The following LIPI variants were observed in gnomAD, a reference collection of about 807,000 sequenced individuals.
LIPI encodes the protein lipase I, also known as lipase member I.
LIPI carries 59 observed loss-of-function variants against 50.6 expected under a neutral mutation model. The ratio of observed to expected loss-of-function variants is 1.16; its 90% CI spans 0.94 to 1.45. The LOEUF (loss-of-function observed/expected upper bound fraction) is 1.45. Among genes scored for constraint, LIPI ranks in the 40% most tolerant of loss-of-function variants. The pLI is 0.00. For synonymous variants in LIPI, 203 were observed against 178.2 expected (o/e 1.14, Z -1.11); for missense variants, 586 against 536.3 (o/e 1.09, Z -0.92).
chr21:14,190,814 C>T (rs1466691190), intron 1 of LIPI, among the ~76,000 whole-genome samples: 1 of 152,170 alleles, frequency 6.6e-6, no homozygotes, highest in Non-Finnish European at 1.5e-5. Context: ...TCCACCTTCT[C>T]ACCACCTGGA....
intron 4 of LIPI, among the ~76,000 whole-genome samples, chr21:14,173,904 G>T (rs1282433923): frequency 6.6e-6 from 1 of 152,178 alleles, no homozygotes; most frequent in Non-Finnish European, 1.5e-5. Flanking sequence ...AATGGTGAGG[G>T]TATGCTAGCC....
chr21:14,149,840 G>C (rs188526721), intron 8 of LIPI, among the ~76,000 whole-genome samples: 2 of 152,328 alleles, frequency 1.3e-5, no homozygotes, highest in East Asian at 3.9e-4. Flanking sequence ...CTCCACCCCT[G>C]CGGCTTTGCA....
chr21:14,187,823 A>C (rs1350693137), intron 2 of LIPI, among the ~76,000 whole-genome samples: 1 of 152,182 alleles, frequency 6.6e-6, no homozygotes, highest in Non-Finnish European at 1.5e-5. Flanking sequence ...TATTCATATA[A>C]ATATTTTTGT....
At chr21:14,203,485 C>T (rs1297378200) in intron 1 of LIPI, among the ~76,000 whole-genome samples, 2 of 152,052 alleles carry the variant, frequency 1.3e-5, no homozygotes, top group Non-Finnish European at 2.9e-5. Context: ...ACATATACAC[C>T]ATGGAATACT....
Position 14,186,141 on chromosome 21 carries a change from T to C in LIPI, c.433-72A>G, listed in dbSNP as rs1275622961. Reference sequence around the variant, plus strand: ...TAACAAATCATGCCCCCCTCATATATCGACATTTCAAAATTCATTATTTTT... The same window carrying C: ...TAACAAATCATGCCCCCCTCATATACCGACATTTCAAAATTCATTATTTTT... On this transcript the variant is annotated intron_variant, in intron 2 of 9. Transcript: ENST00000681601. 13 of 851,630 alleles carry C rather than the reference T, an allele frequency of 1.5e-5. No individual in the cohort carries two copies. In the Admixed American group the frequency reaches 2.3e-4, roughly 15 times the overall value. 52.8% of individuals were successfully genotyped at this position (851,630 alleles called of 1,614,324 possible).
chr21:14,161,191 C>A (rs1350970404), intron 7 of LIPI, among the ~76,000 whole-genome samples: 1 of 150,904 alleles, frequency 6.6e-6, no homozygotes, highest in African/African-American at 2.4e-5. Context: ...CTTTATTTGT[C>A]ATAGCCAAAA....
intron 1 of LIPI, 151 bp from the exon 2 acceptor site, chr21:14,189,570 G>A: frequency 1.5e-6 from 1 of 660,214 alleles, no homozygotes. Flanking sequence ...CAATGTTGAA[G>A]GTAATGTATT....
chr21:14,154,492 G>A (rs1183530911), intron 7 of LIPI, among the ~76,000 whole-genome samples: 1 of 151,668 alleles, frequency 6.6e-6, no homozygotes. Context: ...GAGGGAATAA[G>A]ACAAAATGTA....
At chr21:14,192,509 A>C (rs576272271) in intron 1 of LIPI, among the ~76,000 whole-genome samples, 3 of 152,116 alleles carry the variant, frequency 2.0e-5, no homozygotes, top group Non-Finnish European at 4.4e-5. Context: ...CAGTTATCAA[A>C]TGACACACAA....
chr21:14,138,883 T>C (rs142370689), intron 9 of LIPI, among the ~76,000 whole-genome samples: 2 of 152,228 alleles, frequency 1.3e-5, no homozygotes, highest in South Asian at 2.1e-4. Flanking sequence ...TATTACATTC[T>C]TTATAAATAT....
intron 1 of LIPI, among the ~76,000 whole-genome samples, chr21:14,204,184 A>G (rs1182466408): frequency 6.6e-6 from 1 of 152,026 alleles, no homozygotes; most frequent in African/African-American, 2.4e-5. Flanking sequence ...TATTTAATTC[A>G]AAAATTTTCA....
chr21:14,146,176 G>C (rs1424954273), intron 8 of LIPI, among the ~76,000 whole-genome samples: 2 of 151,682 alleles, frequency 1.3e-5, no homozygotes, highest in Admixed American at 6.6e-5. Context: ...CTAAGTTTTA[G>C]TTACATGTAT....
At chr21:14,144,843 A>G (rs771840216) in intron 8 of LIPI, 44 bp from the exon 9 acceptor site, 2 of 1,337,298 alleles carry the variant, frequency 1.5e-6, no homozygotes, top group East Asian at 2.3e-5. Flanking sequence ...ATAATTTGAA[A>G]CATAACTCAA....
rs180839466 is a variant in LIPI, at chr21:14,180,416, T to C, written c.643+1342A>G. Among the ~76,000 whole-genome samples the C allele has an allele frequency of 3.4e-3, 523 of 152,310 alleles. 7 individuals carry two copies. Among genetic ancestry groups the C allele is most frequent in the South Asian group, 6.8e-3 (33 of 4,824 alleles). ...AGCGGGCATTGTGGTCCTACTGATATGTGATGTCACCCCTGGTGGACCAGC... is the reference window on the plus strand; with the variant it reads ...AGCGGGCATTGTGGTCCTACTGATACGTGATGTCACCCCTGGTGGACCAGC... On this transcript the variant is annotated intron_variant, in intron 4 of 9. Coordinates refer to ENST00000681601, the MANE Select transcript of LIPI (RefSeq NM_001302998.2).
At chr21:14,145,232 GA>G (rs1450751142) in intron 8 of LIPI, among the ~76,000 whole-genome samples, 1 of 152,032 alleles carries the variant, frequency 6.6e-6, no homozygotes, top group Non-Finnish European at 1.5e-5. Context: ...ATTCAAAACA[GA>G]AATACAGTGT....
intron 7 of LIPI, among the ~76,000 whole-genome samples, chr21:14,158,260 G>A (rs2018341255): frequency 6.6e-6 from 1 of 151,646 alleles, no homozygotes; most frequent in South Asian, 2.1e-4. Context: ...TTGATTTCTA[G>A]CCATAATAAA....
At chr21:14,163,824 A>AT (rs1457313361) in intron 6 of LIPI, among the ~76,000 whole-genome samples, 1 of 151,878 alleles carries the variant, frequency 6.6e-6, no homozygotes, top group Non-Finnish European at 1.5e-5. Flanking sequence ...TAAATTCAGG[A>AT]TTTTACCTGT....
At chr21:14,123,166 T>C (rs909928564) in intron 9 of LIPI, among the ~76,000 whole-genome samples, 1 of 152,182 alleles carries the variant, frequency 6.6e-6, no homozygotes, top group Non-Finnish European at 1.5e-5. Flanking sequence ...AAAACCCCTA[T>C]CATTGGAAGA....
chr21:14,192,832 C>T (rs994399901), intron 1 of LIPI, among the ~76,000 whole-genome samples: 21 of 152,194 alleles, frequency 1.4e-4, no homozygotes, highest in Non-Finnish European at 2.6e-4. Context: ...TCCTTACCTC[C>T]AGACCCACTC....
Sources: gnomAD v4.1 joint callset for allele counts (sites outside exome capture counted in the v4.1 genomes callset) on GRCh38, gnomAD v4.1.1 for gene constraint, MANE v1.5 for transcripts, NCBI Gene and HGNC (gene_info 2026-07-23, HGNC 2026-07-21) for gene names.